The following NPAS1 variants were observed in gnomAD, a reference collection of about 807,000 sequenced individuals.
NPAS1 encodes the protein neuronal PAS domain protein 1.
Under a neutral mutation model 49.2 loss-of-function variants are expected in NPAS1, and 29 were observed. That is an observed-to-expected ratio of 0.59 (90% CI 0.44 to 0.80). The LOEUF (loss-of-function observed/expected upper bound fraction) is 0.80, where lower values mean the gene tolerates loss of function less well. Ranked by LOEUF, NPAS1 falls within the 30% of genes least tolerant of loss-of-function variation. The pLI is 0.00. For missense variants in NPAS1, 825 were observed against 835.5 expected, an observed-to-expected ratio of 0.99 and a Z score of 0.15; for synonymous variants, 408 against 380.4, an observed-to-expected ratio of 1.07 and a Z score of -0.84.
At chr19:47,026,151 C>G (rs987331310) in intron 3 of NPAS1, among the ~76,000 whole-genome samples, 3 of 152,084 alleles carry the variant, frequency 2.0e-5, no homozygotes, top group Non-Finnish European at 2.9e-5. Flanking sequence ...GTTGGCCAGG[C>G]TGGTCTTGAA....
chr19:47,028,766 C>G (rs1220673083), intron 3 of NPAS1, among the ~76,000 whole-genome samples: 1 of 152,080 alleles, frequency 6.6e-6, no homozygotes, highest in Non-Finnish European at 1.5e-5. Flanking sequence ...TGGGGACCCT[C>G]AAGGTCACCA....
In NPAS1 at chr19:47,021,820, A is replaced by G. The variant is rs1599890441; in HGVS notation, c.331A>G (p.Arg111Gly). ...AALGAPPWGL[R>G]AAGPPAGLAP... Reference sequence around the variant, plus strand: ...GCTGGGGGCGCCGCCCTGGGGGCTGAGAGCCGCGGGGCCGCCAGCTGGCCT... The same window carrying G: ...GCTGGGGGCGCCGCCCTGGGGGCTGGGAGCCGCGGGGCCGCCAGCTGGCCT... The change falls in exon 3 of 12, where the codon AGA (arginine) becomes GGA (glycine). Residue 111 changes from arginine (R) to glycine (G), a missense_variant. Physicochemically the swap from Arg to Gly is moderately radical, Grantham distance 125. Transcript: ENST00000602212. The surrounding 1 kb of genome is among the most constrained non-coding windows in gnomAD (Gnocchi z 5.7). 6.6e-7 allele frequency: 1 copy of G among 1,515,288 alleles called. No homozygotes were observed. Among genetic ancestry groups the G allele is most frequent in the East Asian group, 2.6e-5 (1 of 38,382 alleles). The allele number at this position is 1,515,288 out of a possible 1,614,324, so 93.9% of individuals were successfully genotyped here.
intron 10 of NPAS1, among the ~76,000 whole-genome samples, chr19:47,041,935 GTGCC>G (rs1568510630): frequency 1.4e-5 from 2 of 146,646 alleles, no homozygotes; most frequent in Non-Finnish European, 3.0e-5. Flanking sequence ...AGCCGTGATC[GTGCC>G]ACTGCTCTCC....
At position 47,021,980 on chromosome 19, in the gene NPAS1, A is replaced by G. The variant is rs1046845451; in HGVS notation, c.358+133A>G. 4.8e-5 allele frequency: 26 copies of G among 544,936 alleles called. No homozygotes were observed. Among genetic ancestry groups the G allele is most frequent in the Non-Finnish European group, 6.1e-5 (20 of 330,112 alleles). 33.8% of individuals were successfully genotyped at this position (544,936 alleles called of 1,614,324 possible). On this transcript the variant is annotated intron_variant, in intron 3 of 11. Transcript: ENST00000602212. This position sits in a 1 kb window ranked among gnomAD's most constrained non-coding sequence, Gnocchi z 5.7. Reference sequence around the variant, plus strand: ...TCAGCCAGGACCTTTGCGTGTCCCTATCAGGTGGCTTCTGCTCTCCAAGCC... The same window carrying G: ...TCAGCCAGGACCTTTGCGTGTCCCTGTCAGGTGGCTTCTGCTCTCCAAGCC...
chr19:47,030,636 CTTTTTTTT>C (rs55931402), intron 3 of NPAS1, among the ~76,000 whole-genome samples: 1 of 96,788 alleles, frequency 1.0e-5, no homozygotes, highest in Non-Finnish European at 2.0e-5. Flanking sequence ...GGCCCTTTGC[CTTTTTTTT>C]TTTTTTTTTT....
In NPAS1 at chr19:47,021,759, C is replaced by T. The variant is rs2056843328; in HGVS notation, c.270C>T (p.Leu90=). The change falls in exon 3 of 12, where the codon CTC becomes CTT. Residue 90 remains leucine, a synonymous_variant. Coordinates refer to ENST00000602212, the MANE Select transcript of NPAS1 (RefSeq NM_002517.4). This position sits in a 1 kb window ranked among gnomAD's most constrained non-coding sequence, Gnocchi z 5.7. ...TGGACAAGGCTTCCATCGTGCGCCT[C>T]AGCGTCACCTACCTCCGCCTGCGCC... is the stretch of plus-strand genomic sequence containing the variant. ...SQLDKASIVR[L]SVTYLRLRRF... 2 of 1,542,126 alleles carry T rather than the reference C, an allele frequency of 1.3e-6. No individual in the cohort carries two copies. Among genetic ancestry groups the T allele is most frequent in the Non-Finnish European group, 8.7e-7 (1 of 1,144,290 alleles).
At position 47,025,415 on chromosome 19, in the gene NPAS1, A is replaced by G. The variant is rs1302124670; in HGVS notation, c.358+3568A>G. Among the ~76,000 whole-genome samples, 7 of 116,474 alleles carry G rather than the reference A, an allele frequency of 6.0e-5. 1 individual carries two copies. The highest frequency in any genetic ancestry group is 5.3e-4 in the South Asian group (2 of 3,764). 76.4% of individuals were successfully genotyped at this position (116,474 alleles called of 152,430 possible). A position where few individuals can be genotyped will look rare whatever the true frequency, so the allele number is the denominator to read the frequency against. Reference sequence around the variant, plus strand: ...TGCTTCAGCCTCCCTAATAGCTGGGATTACAGGCATGCGCCACCACGCCCA... The same window carrying G: ...TGCTTCAGCCTCCCTAATAGCTGGGGTTACAGGCATGCGCCACCACGCCCA... On this transcript the variant is annotated intron_variant, in intron 3 of 11. Transcript: ENST00000602212.
intron 4 of NPAS1, 71 bp from the exon 5 acceptor site, chr19:47,032,572 T>C (rs1599902791): frequency 7.0e-7 from 1 of 1,434,316 alleles, no homozygotes; most frequent in African/African-American, 1.4e-5. Flanking sequence ...TCAGAACCTC[T>C]TACCACTTGG....
chr19:47,045,065 CAAAAAAAA>C (rs377046432), intron 11 of NPAS1, 118 bp from the exon 12 acceptor site: 3 of 883,392 alleles, frequency 3.4e-6, no homozygotes, highest in Admixed American at 6.0e-5. Context: ...AACAAACAAA[CAAAAAAAA>C]AAACCCCACT....
At chr19:47,028,651 G>A (rs937641225) in intron 3 of NPAS1, among the ~76,000 whole-genome samples, 22 of 152,172 alleles carry the variant, frequency 1.4e-4, no homozygotes, top group Admixed American at 1.4e-3. Context: ...GGAAACTGAG[G>A]CACAGAGCGG....
intron 3 of NPAS1, among the ~76,000 whole-genome samples, chr19:47,030,860 G>A (rs1377991258): frequency 6.6e-6 from 1 of 151,816 alleles, no homozygotes; most frequent in Non-Finnish European, 1.5e-5. Flanking sequence ...GGCTGGTCTC[G>A]AACTCCTGAC....
intron 5 of NPAS1, among the ~76,000 whole-genome samples, chr19:47,033,044 A>G (rs987155619): frequency 1.3e-5 from 2 of 152,030 alleles, no homozygotes; most frequent in African/African-American, 4.8e-5. Context: ...GGTTCAAACA[A>G]TTCTCCTGCC....
In NPAS1 at chr19:47,034,269, G is replaced by A. The variant is rs925891612; in HGVS notation, c.522+1537G>A. 2.7e-5 allele frequency among the ~76,000 whole-genome samples: 4 copies of A among 146,064 alleles called. No individual in the cohort carries two copies. The East Asian group carries it at 8.2e-4, about 30-fold the overall frequency. On this transcript the variant is annotated intron_variant, in intron 5 of 11. Coordinates refer to ENST00000602212, the MANE Select transcript of NPAS1 (RefSeq NM_002517.4). Reference sequence around the variant, plus strand: ...GTGGAGGGTACAGTGAGCCGAGATCGTGGCATTGCACTCCAGCCTGGGCAA... The same window carrying A: ...GTGGAGGGTACAGTGAGCCGAGATCATGGCATTGCACTCCAGCCTGGGCAA...
chr19:47,041,979 CAAAAAAAAAAAAA>C (rs369320245), intron 10 of NPAS1, among the ~76,000 whole-genome samples: 137 of 96,114 alleles, frequency 1.4e-3, no homozygotes, highest in Non-Finnish European at 1.7e-3. Context: ...GACCCTGTCT[CAAAAAAAAAAAAA>C]AAAAAAAAAA....
intron 3 of NPAS1, among the ~76,000 whole-genome samples, chr19:47,025,567 C>T (rs968419287): frequency 2.0e-5 from 3 of 151,174 alleles, no homozygotes; most frequent in South Asian, 2.1e-4. Context: ...TGTGAGCCAC[C>T]GCACCCAGCC....
intron 5 of NPAS1, 40 bp downstream of exon 5, chr19:47,032,772 A>T: frequency 6.9e-7 from 1 of 1,458,334 alleles, no homozygotes; most frequent in South Asian, 1.1e-5. Flanking sequence ...CTCAGCCACC[A>T]TCTCCCTTGC....
At chr19:47,037,634 G>A (rs1034857133) in intron 6 of NPAS1, among the ~76,000 whole-genome samples, 1 of 152,150 alleles carries the variant, frequency 6.6e-6, no homozygotes, top group Admixed American at 6.6e-5. Flanking sequence ...GCTCTGAGAT[G>A]TTGGGGGCCT....
intron 11 of NPAS1, 151 bp downstream of exon 11, chr19:47,043,055 C>G: frequency 1.9e-6 from 1 of 525,134 alleles, no homozygotes; most frequent in Non-Finnish European, 3.1e-6. Context: ...GCCTGTAATC[C>G]CAGCACTTTG....
chr19:47,020,251 G>C lies in NPAS1; in HGVS notation c.-43+254G>C, dbSNP rs545256844. On this transcript the variant is annotated intron_variant, in intron 1 of 11. Transcript: ENST00000602212. ...CCTGGGGTTAGGGGGTGTTCTGAAC[G>C]CCTGGTCCTGGAGGAATGAAGACCT... Among the ~76,000 whole-genome samples, 451 of 152,110 alleles carry C rather than the reference G, an allele frequency of 3.0e-3. 12 individuals are homozygous for C. Among genetic ancestry groups the C allele is most frequent in the Admixed American group, 0.028 (425 of 15,278 alleles).
Sources: allele counts gnomAD v4.1 joint callset (sites outside exome capture counted in the v4.1 genomes callset), GRCh38; gene constraint gnomAD v4.1.1; non-coding constraint Gnocchi (gnomAD v3.1); transcripts MANE v1.5; gene names NCBI Gene and HGNC (gene_info 2026-07-23, HGNC 2026-07-21).